ADAM9: variants seen among roughly 807,000 people sequenced by gnomAD.
ADAM9 encodes the protein ADAM metallopeptidase domain 9.
ADAM9 carries 54 observed loss-of-function variants against 108.1 expected under a neutral mutation model. The observed-to-expected ratio is 0.50, with a 90% confidence interval of 0.40 to 0.63. The LOEUF (loss-of-function observed/expected upper bound fraction) is 0.63. Ranked by LOEUF, ADAM9 falls within the 20% of genes least tolerant of loss-of-function variation. The pLI is 0.00. For missense variants in ADAM9, 830 were observed against 997.7 expected (o/e 0.83, Z 2.26); for synonymous variants, 316 against 336.0 (o/e 0.94, Z 0.65).
At chr8:39,057,323 CG>C (rs1564324445) in intron 14 of ADAM9, among the ~76,000 whole-genome samples, 1 of 149,052 alleles carries the variant, frequency 6.7e-6, no homozygotes, top group East Asian at 1.9e-4. Context: ...GGAATTATTA[CG>C]TGAATCTAAT....
chr8:39,044,948 ATG>A (rs1482931074), intron 12 of ADAM9, among the ~76,000 whole-genome samples: 4 of 149,818 alleles, frequency 2.7e-5, no homozygotes, highest in Admixed American at 6.6e-5. Context: ...ATACCTATGT[ATG>A]TGTATATGTG....
At chr8:39,015,161 CATT>C (rs1269217808) in intron 4 of ADAM9, 1 of 152,258 alleles carries the variant, frequency 6.6e-6, no homozygotes, top group African/African-American at 2.4e-5. Flanking sequence ...AGTTTTGACT[CATT>C]ATTTGCTGAT....
At chr8:39,062,561 TGCTCTCCATTATGGTAACCTTG>T (rs1473032765) in intron 14 of ADAM9, among the ~76,000 whole-genome samples, 8 of 152,332 alleles carry the variant, frequency 5.3e-5, no homozygotes, top group African/African-American at 1.4e-4. Context: ...GCTTTGACTC[TGCTCTCCATTATGGTAACCTTG>T]GCTCTCCATT....
At chr8:39,002,737 A>T (rs962170276) in intron 1 of ADAM9, among the ~76,000 whole-genome samples, 1 of 152,236 alleles carries the variant, frequency 6.6e-6, no homozygotes, top group Non-Finnish European at 1.5e-5. Context: ...ACGGAGTTAG[A>T]GAAAGAAAGA....
chr8:39,030,327 A>G (rs943126189), intron 11 of ADAM9, among the ~76,000 whole-genome samples: 2 of 152,166 alleles, frequency 1.3e-5, no homozygotes, highest in Non-Finnish European at 2.9e-5. Flanking sequence ...GTTTTCCAGA[A>G]TATCATATAT....
intron 16 of ADAM9, 43 bp from the exon 17 acceptor site, chr8:39,082,597 TG>T: frequency 1.3e-6 from 2 of 1,509,830 alleles, no homozygotes; most frequent in South Asian, 2.3e-5. Context: ...TTTTAATGAC[TG>T]TGCTCAATCT....
At chr8:39,045,092 ATATG>A (rs1388638480) in intron 12 of ADAM9, among the ~76,000 whole-genome samples, 1 of 27,624 alleles carries the variant, frequency 3.6e-5, no homozygotes, top group Non-Finnish European at 6.4e-5. Flanking sequence ...GCATACATAC[ATATG>A]TGTGTGTGCA....
intron 20 of ADAM9, among the ~76,000 whole-genome samples, chr8:39,098,176 T>C (rs974573768): frequency 6.6e-6 from 1 of 152,210 alleles, no homozygotes; most frequent in African/African-American, 2.4e-5. Context: ...ATTTAAACAT[T>C]GTCTGTTACT....
chr8:39,074,903 CTTTTTTTTTTT>C (rs1178180888), intron 15 of ADAM9, among the ~76,000 whole-genome samples: 1 of 113,144 alleles, frequency 8.8e-6, no homozygotes, highest in Non-Finnish European at 1.8e-5. Context: ...AGCCCAAAAT[CTTTTTTTTTTT>C]TTTTTTTTTT....
At chr8:39,077,480 T>A in intron 16 of ADAM9, 69 bp downstream of exon 16, 1 of 1,391,200 alleles carries the variant, frequency 7.2e-7, no homozygotes, top group Non-Finnish European at 9.7e-7. Flanking sequence ...ACATAGTAAG[T>A]GGTTGCTCTT....
At chr8:39,077,445 T>C in intron 16 of ADAM9, 34 bp downstream of exon 16, 1 of 1,556,384 alleles carries the variant, frequency 6.4e-7, no homozygotes. Flanking sequence ...CAAAGTAAAA[T>C]GAAAAAAATT....
At position 39,103,586 on chromosome 8, in the gene ADAM9, C is replaced by G. The variant is rs759294596; in HGVS notation, c.2367-21C>G. 2.5e-6 allele frequency: 4 copies of G among 1,607,394 alleles called. No individual in the cohort carries two copies. The South Asian group carries it at 4.4e-5, about 18-fold the overall frequency. ...TCACCCAGTCTAAACACTCTATTAACTATCTCTTTTCCCCTCGCAGGCCAC... is the reference window on the plus strand; with the variant it reads ...TCACCCAGTCTAAACACTCTATTAAGTATCTCTTTTCCCCTCGCAGGCCAC... On this transcript the variant is annotated intron_variant, in intron 21 of 21. Transcript: ENST00000487273.
intron 14 of ADAM9, among the ~76,000 whole-genome samples, chr8:39,063,021 C>G (rs1838346252): frequency 6.6e-6 from 1 of 152,232 alleles, no homozygotes; most frequent in Non-Finnish European, 1.5e-5. Flanking sequence ...ACCTTTCTAA[C>G]TCCCTGAATG....
rs758149510 is a variant in ADAM9, at chr8:39,037,458, GT to G, written c.1131-4472del. Reference sequence around the variant, plus strand: ...TATATTTAAGTGTGTGTGTGTGTGTGTTTTTTTTTTTTTTTTGGAGACAGGG... The same window carrying G: ...TATATTTAAGTGTGTGTGTGTGTGTGTTTTTTTTTTTTTTTGGAGACAGGG... On this transcript the variant is annotated intron_variant, in intron 11 of 21. Coordinates refer to ENST00000487273, the MANE Select transcript of ADAM9 (RefSeq NM_003816.3). Among the ~76,000 whole-genome samples the G allele has an allele frequency of 6.7e-3, 851 of 126,534 alleles. 1 individual carries two copies. The highest frequency in any genetic ancestry group is 1.0e-2 in the Admixed American group (125 of 12,550). 83.0% of individuals were successfully genotyped at this position (126,534 alleles called of 152,430 possible). A position where few individuals can be genotyped will look rare whatever the true frequency, so the allele number is the denominator to read the frequency against.
chr8:39,015,950 G>C (rs760547080), intron 4 of ADAM9, 168 bp from the exon 5 acceptor site: 1 of 649,150 alleles, frequency 1.5e-6, no homozygotes, highest in Non-Finnish European at 2.7e-6. Context: ...ATAGTCCGCA[G>C]ATGGTCTAAA....
intron 21 of ADAM9, among the ~76,000 whole-genome samples, chr8:39,102,525 G>GTCTGTGCTGGGACTCTTACTTCT (rs1260629131): frequency 8.5e-5 from 13 of 152,128 alleles, no homozygotes; most frequent in Admixed American, 3.9e-4. Context: ...ACATCTCAGG[G>GTCTGTGCTGGGACTCTTACTTCT]TCTGTGCTGG....
chr8:39,045,502 A>G (rs1237058496), intron 12 of ADAM9, among the ~76,000 whole-genome samples: 2 of 143,374 alleles, frequency 1.4e-5, no homozygotes, highest in Non-Finnish European at 3.1e-5. Context: ...GTGTATACAT[A>G]TGTGTGTGTA....
intron 20 of ADAM9, among the ~76,000 whole-genome samples, chr8:39,092,595 A>T (rs894603822): frequency 6.6e-6 from 1 of 152,136 alleles, no homozygotes; most frequent in African/African-American, 2.4e-5. Flanking sequence ...CATTTTAACC[A>T]TTGTTTTCAA....
intron 8 of ADAM9, among the ~76,000 whole-genome samples, chr8:39,021,995 AATTTTTGTCGAATGCATCTT>A: frequency 6.6e-6 from 1 of 151,590 alleles, no homozygotes; most frequent in Non-Finnish European, 1.5e-5. Context: ...AAGATCTTTG[AATTTTTGTCGAATGCATCTT>A]ATTTTGAATA....
Sources: gnomAD v4.1 joint callset for allele counts (sites outside exome capture counted in the v4.1 genomes callset) on GRCh38, gnomAD v4.1.1 for gene constraint, MANE v1.5 for transcripts, NCBI Gene and HGNC (gene_info 2026-07-23, HGNC 2026-07-21) for gene names.